PRKCA: variants seen among roughly 807,000 people sequenced by gnomAD.
PRKCA encodes protein kinase C alpha, also known as protein kinase C alpha type.
PRKCA carries 27 observed loss-of-function variants against 87.0 expected under a neutral mutation model. The ratio of observed to expected loss-of-function variants is 0.31; its 90% confidence interval spans 0.23 to 0.43. The LOEUF is 0.43. Ranked by LOEUF, PRKCA falls within the 20% of genes least tolerant of loss-of-function variation. The pLI is 1.00. For missense variants in PRKCA, 518 were observed against 852.3 expected (o/e 0.61, Z 4.88); for synonymous variants, 329 against 311.1 (o/e 1.06, Z -0.61).
chr17:66,805,061 C>T lies in PRKCA; in HGVS notation c.*1024C>T, dbSNP rs1975998557. ...GATGTACAGTAACTTAATGGAAGTG[C>T]TGACTCTAGCATCAGCCTCTACCGA... On this transcript the variant is annotated 3_prime_UTR_variant, in exon 17 of 17. Coordinates refer to ENST00000413366, the MANE Select transcript of PRKCA (RefSeq NM_002737.3). The T allele has an allele frequency of 1.0e-6, 1 of 981,652 alleles. No homozygotes were observed. Among genetic ancestry groups the T allele is most frequent in the Admixed American group, 6.2e-5 (1 of 16,260 alleles). 60.8% of individuals were successfully genotyped at this position (981,652 alleles called of 1,614,324 possible).
intron 9 of PRKCA, among the ~76,000 whole-genome samples, chr17:66,734,950 T>C (rs1486853607): frequency 2.0e-5 from 3 of 152,214 alleles, no homozygotes; most frequent in East Asian, 1.9e-4. Flanking sequence ...GAAATGCTGG[T>C]TGATGAATAG....
intron 10 of PRKCA, among the ~76,000 whole-genome samples, chr17:66,736,184 A>G (rs1974021602): frequency 6.6e-6 from 1 of 151,568 alleles, no homozygotes; most frequent in Non-Finnish European, 1.5e-5. Context: ...GCCTGGCCTT[A>G]ATTCAGCAAA....
chr17:66,361,280 T>C (rs1472534839), intron 2 of PRKCA, among the ~76,000 whole-genome samples: 4 of 151,924 alleles, frequency 2.6e-5, no homozygotes, highest in Non-Finnish European at 5.9e-5. Context: ...TTGATCTCTC[T>C]CCTTTGTAAG....
chr17:66,545,203 C>T (rs1160682722), intron 3 of PRKCA, among the ~76,000 whole-genome samples: 6 of 151,812 alleles, frequency 4.0e-5, no homozygotes, highest in East Asian at 3.9e-4. Flanking sequence ...CCAAGGCGGG[C>T]AGATCACGAG....
At chr17:66,336,778 GTGTGTGTGTGTGTGT>G (rs1567777938) in intron 2 of PRKCA, among the ~76,000 whole-genome samples, 1 of 135,766 alleles carries the variant, frequency 7.4e-6, no homozygotes, top group African/African-American at 2.5e-5. Flanking sequence ...GTGTGTGTGT[GTGTGTGTGTGTGTGT>G]GTGTGTGTGT....
At chr17:66,393,083 A>T (rs1219193880) in intron 2 of PRKCA, among the ~76,000 whole-genome samples, 1 of 152,192 alleles carries the variant, frequency 6.6e-6, no homozygotes, top group Admixed American at 6.5e-5. Context: ...GCTTGTGTGA[A>T]ACGGAGGTGA....
chr17:66,626,292 A>G (rs1205628136), intron 3 of PRKCA, among the ~76,000 whole-genome samples: 3 of 150,778 alleles, frequency 2.0e-5, no homozygotes, highest in Admixed American at 6.6e-5. Context: ...GGCTCAAGCA[A>G]TCTTCCCACC....
chr17:66,574,889 A>G (rs72845928), intron 3 of PRKCA, among the ~76,000 whole-genome samples: 8,946 of 152,286 alleles, frequency 0.059, 334 homozygotes, highest in Non-Finnish European at 0.084. Context: ...CAATTCTAAC[A>G]ATATACTGTA....
intron 5 of PRKCA, among the ~76,000 whole-genome samples, chr17:66,656,847 G>T (rs1971747054): frequency 6.6e-6 from 1 of 152,136 alleles, no homozygotes; most frequent in Non-Finnish European, 1.5e-5. Context: ...GGGTAGGAAT[G>T]GCTCAGTAGG....
intron 2 of PRKCA, among the ~76,000 whole-genome samples, chr17:66,433,532 T>C (rs9901286): frequency 0.96 from 145,329 of 152,128 alleles, 69,772 homozygotes; most frequent in East Asian, 1. Context: ...GAAGTTGATC[T>C]GAGGAGTTTT....
At chr17:66,380,913 G>A (rs1909740681) in intron 2 of PRKCA, among the ~76,000 whole-genome samples, 1 of 151,202 alleles carries the variant, frequency 6.6e-6, no homozygotes, top group African/African-American at 2.4e-5. Flanking sequence ...TCCTTATAAA[G>A]AATCTAAGGT....
chr17:66,338,075 G>A (rs1447943533), intron 2 of PRKCA, among the ~76,000 whole-genome samples: 1 of 143,056 alleles, frequency 7.0e-6, no homozygotes, highest in African/African-American at 3.0e-5. Context: ...TTAACCCGGT[G>A]AATTCCTCTA....
chr17:66,355,542 G>T (rs1052840179), intron 2 of PRKCA, among the ~76,000 whole-genome samples: 3 of 151,782 alleles, frequency 2.0e-5, no homozygotes, highest in South Asian at 4.2e-4. Context: ...AAATAATTTT[G>T]TCATCACCAT....
intron 4 of PRKCA, among the ~76,000 whole-genome samples, chr17:66,642,601 T>C (rs1297979798): frequency 1.3e-5 from 2 of 152,232 alleles, no homozygotes; most frequent in African/African-American, 4.8e-5. Flanking sequence ...TCATTTGCTA[T>C]GATGGCCAGA....
At chr17:66,744,808 G>A (rs75120129) in intron 13 of PRKCA, among the ~76,000 whole-genome samples, 2,002 of 152,274 alleles carry the variant, frequency 0.013, 45 homozygotes, top group African/African-American at 0.045. Context: ...GGCAGGGCTG[G>A]TTTCTTCTGG....
intron 6 of PRKCA, 35 bp downstream of exon 6, chr17:66,687,302 A>G (rs144013716): frequency 1.1e-4 from 169 of 1,589,826 alleles, no homozygotes; most frequent in Non-Finnish European, 1.3e-4. Flanking sequence ...TTTCATTCCT[A>G]TACACCATGC....
At chr17:66,461,109 G>A (rs1488450406) in intron 2 of PRKCA, among the ~76,000 whole-genome samples, 2 of 151,640 alleles carry the variant, frequency 1.3e-5, no homozygotes, top group Non-Finnish European at 2.9e-5. Context: ...AGGGGAATGA[G>A]GCAGGAGAAT....
intron 13 of PRKCA, among the ~76,000 whole-genome samples, chr17:66,758,518 A>T (rs142016290): frequency 5.3e-5 from 8 of 152,320 alleles, no homozygotes; most frequent in African/African-American, 1.2e-4. Context: ...TGAATGGCAG[A>T]GTGGCATGCA....
rs1298049243 is a variant in PRKCA, at chr17:66,587,211, T to C, written c.289-54144T>C. Reference sequence around the variant, plus strand: ...CATTTCTTTCTAACACAATGTTTTCTTAGGGCTAATTTTAAGTTATTTTTT... The same window carrying C: ...CATTTCTTTCTAACACAATGTTTTCCTAGGGCTAATTTTAAGTTATTTTTT... On this transcript the variant is annotated intron_variant, in intron 3 of 16. Transcript: ENST00000413366. 2.0e-5 allele frequency among the ~76,000 whole-genome samples: 3 copies of C among 152,234 alleles called. No homozygotes were observed. In the East Asian group the frequency reaches 5.8e-4, roughly 29 times the overall value.
Sources: gnomAD v4.1 joint callset for allele counts (sites outside exome capture counted in the v4.1 genomes callset) on GRCh38, gnomAD v4.1.1 for gene constraint, MANE v1.5 for transcripts, NCBI Gene and HGNC (gene_info 2026-07-23, HGNC 2026-07-21) for gene names.